Variants in PTCSC3 observed in about 807,000 individuals in gnomAD.
PTCSC3 encodes the protein papillary thyroid carcinoma susceptibility candidate 3 (non-protein coding).
intron 3 of PTCSC3, among the ~76,000 whole-genome samples, chr14:36,139,559 AC>A (rs1002576641): frequency 1.3e-5 from 2 of 151,862 alleles, no homozygotes; most frequent in Non-Finnish European, 2.9e-5. Context: ...ATTATTCGCT[AC>A]CCCCCCAATA....
intron 3 of PTCSC3, among the ~76,000 whole-genome samples, chr14:36,144,401 ATT>A (rs1881506476): frequency 7.4e-6 from 1 of 135,466 alleles, no homozygotes; most frequent in African/African-American, 2.8e-5. Flanking sequence ...ATTCCTAGGT[ATT>A]TTATTCTCTT....
intron 3 of PTCSC3, among the ~76,000 whole-genome samples, chr14:36,150,821 C>T (rs373375816): frequency 6.6e-6 from 1 of 152,284 alleles, no homozygotes; most frequent in East Asian, 1.9e-4. Flanking sequence ...CCAATGTCTT[C>T]TCATTCCTTA....
chr14:36,169,765 A>G (rs1882160396), intron 1 of PTCSC3, among the ~76,000 whole-genome samples: 1 of 152,172 alleles, frequency 6.6e-6, no homozygotes, highest in Non-Finnish European at 1.5e-5. Context: ...CCATGGAAGG[A>G]AACAAGGAGT....
At chr14:36,147,218 A>C (rs1455034465) in intron 3 of PTCSC3, among the ~76,000 whole-genome samples, 3 of 152,162 alleles carry the variant, frequency 2.0e-5, no homozygotes, top group African/African-American at 7.2e-5. Flanking sequence ...CTGCCTTGCT[A>C]GATTGGGGAA....
exon 4 of PTCSC3, chr14:36,136,152 C>T (rs1006474883): frequency 1.3e-5 from 2 of 152,208 alleles, no homozygotes; most frequent in African/African-American, 4.8e-5. Flanking sequence ...ACTTTATCTT[C>T]TAGCTGTGCT....
At position 36,159,181 on chromosome 14, in the gene PTCSC3, TA is replaced by T. The variant is rs200950314; in HGVS notation, n.231+3442del. Among the ~76,000 whole-genome samples the T allele has an allele frequency of 8.1e-3, 1,190 of 146,436 alleles. 7 individuals are homozygous for T. The highest frequency in any genetic ancestry group is 0.012 in the Non-Finnish European group (827 of 66,364). ...GCTACTGGTCTATTTTGTTGATCTT[TA>T]AAAAAAAAAACAGCTCCTGGATTCA... On this transcript the variant is annotated intron_variant and non_coding_transcript_variant, in intron 2 of 3. Coordinates refer to ENST00000556013, the Ensembl canonical transcript of PTCSC3.
Position 36,145,817 on chromosome 14 carries a change from C to G in PTCSC3, n.322+7987G>C, listed in dbSNP as rs915227315. 1.4e-4 allele frequency among the ~76,000 whole-genome samples: 21 copies of G among 149,678 alleles called. No homozygotes were observed. In the East Asian group the frequency reaches 3.9e-3, roughly 28 times the overall value. On this transcript the variant is annotated intron_variant and non_coding_transcript_variant, in intron 3 of 3. Coordinates refer to ENST00000556013, the Ensembl canonical transcript of PTCSC3. ...GGCATTTAGTGCTATAAATTTCCCT[C>G]TGCACACTGCTTTGAATGCGTCCCA... is the stretch of plus-strand genomic sequence containing the variant.
chr14:36,149,241 C>A (rs1881668186), intron 3 of PTCSC3, among the ~76,000 whole-genome samples: 1 of 151,600 alleles, frequency 6.6e-6, no homozygotes, highest in Non-Finnish European at 1.5e-5. Flanking sequence ...TCTTCTTTGA[C>A]CCATGTGTTA....
At chr14:36,155,131 T>C (rs1161843388) in intron 2 of PTCSC3, among the ~76,000 whole-genome samples, 2 of 152,074 alleles carry the variant, frequency 1.3e-5, no homozygotes, top group African/African-American at 4.8e-5. Flanking sequence ...GAAGATTAAA[T>C]GGCCAAAGAG....
intron 3 of PTCSC3, among the ~76,000 whole-genome samples, chr14:36,140,945 GA>G: frequency 6.6e-6 from 1 of 152,046 alleles, no homozygotes; most frequent in Non-Finnish European, 1.5e-5. Flanking sequence ...TTTGAGGGGG[GA>G]ATACAAATGT....
intron 1 of PTCSC3, among the ~76,000 whole-genome samples, chr14:36,172,376 C>A (rs1882207278): frequency 6.6e-6 from 1 of 151,912 alleles, no homozygotes; most frequent in Admixed American, 6.6e-5. Context: ...GTGTCTAGCT[C>A]AAAAATTTTC....
intron 2 of PTCSC3, among the ~76,000 whole-genome samples, chr14:36,156,368 T>C (rs1881825828): frequency 6.6e-6 from 1 of 152,222 alleles, no homozygotes; most frequent in African/African-American, 2.4e-5. Context: ...TTAGGGAGTA[T>C]GGGTACATTT....
intron 2 of PTCSC3, among the ~76,000 whole-genome samples, chr14:36,158,405 CTTA>C (rs1192403807): frequency 2.0e-5 from 3 of 152,004 alleles, no homozygotes; most frequent in African/African-American, 7.3e-5. Context: ...ACAAATAGCT[CTTA>C]TTATTTTGAG....
At position 36,161,405 on chromosome 14, in the gene PTCSC3, C is replaced by T. The variant is rs527678426; in HGVS notation, n.231+1219G>A. ...GCTGGTGACTTTTGGATGGGGTTTT[C>T]TGTGTCTGGACATCCTTTTTGTTGA... On this transcript the variant is annotated intron_variant and non_coding_transcript_variant, in intron 2 of 3. Coordinates refer to ENST00000556013, the Ensembl canonical transcript of PTCSC3. Among the ~76,000 whole-genome samples, 46 of 152,088 alleles carry T rather than the reference C, an allele frequency of 3.0e-4. No homozygotes were observed. In the South Asian group the frequency reaches 3.7e-3, roughly 12 times the overall value.
At chr14:36,164,722 C>G (rs958906213) in intron 1 of PTCSC3, among the ~76,000 whole-genome samples, 1 of 152,214 alleles carries the variant, frequency 6.6e-6, no homozygotes, top group Non-Finnish European at 1.5e-5. Context: ...GTCCCCATCC[C>G]TTTACATTGT....
chr14:36,148,949 T>C (rs571869707), intron 3 of PTCSC3, among the ~76,000 whole-genome samples: 41 of 152,240 alleles, frequency 2.7e-4, no homozygotes, highest in African/African-American at 7.9e-4. Flanking sequence ...GATTGCTCTA[T>C]TTTTGGTTTT....
intron 1 of PTCSC3, among the ~76,000 whole-genome samples, chr14:36,171,125 G>A (rs1381117938): frequency 6.6e-6 from 1 of 152,038 alleles, no homozygotes; most frequent in Non-Finnish European, 1.5e-5. Flanking sequence ...CTAAACAATA[G>A]CCTGATAAAT....
intron 3 of PTCSC3, among the ~76,000 whole-genome samples, chr14:36,140,045 G>C (rs1881383877): frequency 1.3e-5 from 2 of 152,010 alleles, no homozygotes; most frequent in Non-Finnish European, 2.9e-5. Context: ...TCCCTCTATT[G>C]TTTTACGTTT....
intron 1 of PTCSC3, among the ~76,000 whole-genome samples, chr14:36,172,895 T>C (rs1243108944): frequency 4.6e-5 from 7 of 152,150 alleles, no homozygotes. Flanking sequence ...AATACCTCTG[T>C]GATCATAAAG....
Sources: allele counts gnomAD v4.1 joint callset (sites outside exome capture counted in the v4.1 genomes callset), GRCh38; gene constraint gnomAD v4.1.1; transcripts MANE v1.5; gene names NCBI Gene and HGNC (gene_info 2026-07-23, HGNC 2026-07-21).